DCAF5: variants seen among roughly 807,000 people sequenced by gnomAD.
DCAF5 encodes DDB1 and CUL4 associated factor 5.
A neutral mutation model predicts 80.7 loss-of-function variants in DCAF5; 9 were observed. The observed-to-expected ratio is 0.11, with a 90% CI of 0.07 to 0.19. The LOEUF (loss-of-function observed/expected upper bound fraction) is 0.19, where lower values mean the gene tolerates loss of function less well. Among genes scored for constraint, DCAF5 ranks in the 10% least tolerant of loss-of-function variants. The pLI is 1.00. For synonymous variants in DCAF5, 433 were observed against 461.9 expected (o/e 0.94, Z 0.80); for missense variants, 842 against 1,205.7 (o/e 0.70, Z 4.47).
chr14:69,104,515 G>C (rs114152113), intron 5 of DCAF5, among the ~76,000 whole-genome samples: 135 of 152,036 alleles, frequency 8.9e-4, no homozygotes, highest in Admixed American at 1.6e-3. Context: ...TAAGAAATTC[G>C]TAAGACAAAT....
chr14:69,062,341 T>G, intron 8 of DCAF5, 43 bp downstream of exon 8: 5 of 1,602,230 alleles, frequency 3.1e-6, no homozygotes, highest in Non-Finnish European at 4.3e-6. Context: ...AATTATAAAT[T>G]GTGAGAATTT....
intron 5 of DCAF5, among the ~76,000 whole-genome samples, chr14:69,114,088 T>C (rs1335809979): frequency 1.3e-5 from 2 of 152,192 alleles, no homozygotes; most frequent in Admixed American, 6.5e-5. Context: ...GTTCAAGTGT[T>C]GGTGAAGGTC....
intron 1 of DCAF5, among the ~76,000 whole-genome samples, chr14:69,126,488 C>T (rs1008083978): frequency 6.6e-6 from 1 of 152,130 alleles, no homozygotes; most frequent in Middle Eastern, 3.2e-3. Context: ...ATCAGTTCTT[C>T]CCAACTTCAT....
At chr14:69,070,011 G>T (rs1282416727) in intron 7 of DCAF5, among the ~76,000 whole-genome samples, 1 of 152,160 alleles carries the variant, frequency 6.6e-6, no homozygotes, top group Admixed American at 6.5e-5. Flanking sequence ...GTTGTTGGTG[G>T]TGGTATTATC....
rs975874334 is a variant in DCAF5, at chr14:69,152,662, A to AG, written c.214+102dup. The AG allele has an allele frequency of 1.4e-6, 1 of 698,992 alleles. No individual in the cohort carries two copies. The highest frequency in any genetic ancestry group is 2.2e-6 in the Non-Finnish European group (1 of 459,998). The allele number at this position is 698,992 out of a possible 1,614,324, so 43.3% of individuals were successfully genotyped here. ...ACCGCAGAAGGGGGTAGAGAAAGGGAGGGGGTGGGGACAGAGGGCAGGAGG... is the reference window on the plus strand; with the variant it reads ...ACCGCAGAAGGGGGTAGAGAAAGGGAGGGGGGTGGGGACAGAGGGCAGGAGG... On this transcript the variant is annotated intron_variant, in intron 1 of 8. Transcript: ENST00000341516. The surrounding 1 kb of genome is among the most constrained non-coding windows in gnomAD (Gnocchi z 4.1).
intron 5 of DCAF5, among the ~76,000 whole-genome samples, chr14:69,112,518 G>C (rs1376149521): frequency 2.0e-5 from 3 of 151,540 alleles, no homozygotes; most frequent in Non-Finnish European, 4.4e-5. Flanking sequence ...AGGCAACATA[G>C]TGAGATCCTG....
At chr14:69,140,614 C>T (rs1224068673) in intron 1 of DCAF5, among the ~76,000 whole-genome samples, 1 of 152,044 alleles carries the variant, frequency 6.6e-6, no homozygotes, top group Non-Finnish European at 1.5e-5. Flanking sequence ...CAAAGAACAA[C>T]AACCCATAGG....
In DCAF5 at chr14:69,072,232, T is replaced by C. The variant is rs969004746; in HGVS notation, c.946+3113A>G. On this transcript the variant is annotated intron_variant, in intron 7 of 8. Transcript: ENST00000341516. ...GAAAGTCAACAGAGAATGTCTAATA[T>C]TGAAAATCCAAAAATATTATGAGCA... Among the ~76,000 whole-genome samples the C allele has an allele frequency of 6.6e-5, 10 of 152,288 alleles. No individual in the cohort carries two copies. The East Asian group carries it at 1.7e-3, about 26-fold the overall frequency.
chr14:69,129,274 T>A (rs925635823), intron 1 of DCAF5, among the ~76,000 whole-genome samples: 2 of 152,192 alleles, frequency 1.3e-5, no homozygotes, highest in Admixed American at 6.5e-5. Flanking sequence ...CCCTCAAGGT[T>A]AGCATCAGAA....
At chr14:69,100,030 C>T (rs1266256228) in intron 5 of DCAF5, among the ~76,000 whole-genome samples, 2 of 152,132 alleles carry the variant, frequency 1.3e-5, no homozygotes, top group South Asian at 4.1e-4. Flanking sequence ...GTAGATTCAT[C>T]TACCATGTTT....
At chr14:69,097,731 C>T (rs572972169) in intron 5 of DCAF5, among the ~76,000 whole-genome samples, 2 of 151,866 alleles carry the variant, frequency 1.3e-5, no homozygotes, top group Admixed American at 6.6e-5. Flanking sequence ...GGATTACAGG[C>T]GGGCACCACT....
intron 8 of DCAF5, among the ~76,000 whole-genome samples, chr14:69,057,422 T>C (rs2038020403): frequency 6.6e-6 from 1 of 152,098 alleles, no homozygotes; most frequent in Non-Finnish European, 1.5e-5. Flanking sequence ...TGGTAAAATG[T>C]CATTAACCAT....
At chr14:69,151,476 C>T (rs2041700874) in intron 1 of DCAF5, among the ~76,000 whole-genome samples, 1 of 152,206 alleles carries the variant, frequency 6.6e-6, no homozygotes, top group South Asian at 2.1e-4. Context: ...ATTCAGGGAC[C>T]GACCTGGGTG....
intron 5 of DCAF5, among the ~76,000 whole-genome samples, chr14:69,112,687 T>C (rs981859572): frequency 2.0e-5 from 3 of 151,640 alleles, no homozygotes; most frequent in South Asian, 2.1e-4. Context: ...ATAAGAATAA[T>C]AGAAGCTACC....
Position 69,055,713 on chromosome 14 carries a change from C to T in DCAF5, c.1075-102G>A. 8.2e-7 allele frequency: 1 copy of T among 1,218,400 alleles called. No homozygotes were observed. The highest frequency in any genetic ancestry group is 1.2e-6 in the Non-Finnish European group (1 of 868,710). The allele number at this position is 1,218,400 out of a possible 1,614,324, so 75.5% of individuals were successfully genotyped here. A position where few individuals can be genotyped will look rare whatever the true frequency, so the allele number is the denominator to read the frequency against. On this transcript the variant is annotated intron_variant, in intron 8 of 8. Coordinates refer to ENST00000341516, the MANE Select transcript of DCAF5 (RefSeq NM_003861.3). The surrounding 1 kb of genome is among the most constrained non-coding windows in gnomAD (Gnocchi z 5.6). The stretch of plus-strand genomic sequence containing the variant: ...CAAGGCAGAACTTCCCCAGACTCTC[C>T]CTGTAATTTAACTAGGACTTGCTAA...
chr14:69,086,718 A>G (rs899216138), intron 6 of DCAF5, among the ~76,000 whole-genome samples: 2 of 151,958 alleles, frequency 1.3e-5, no homozygotes, highest in Non-Finnish European at 2.9e-5. Context: ...ATACCCATAT[A>G]GTGTCAACCC....
At chr14:69,124,193 T>C (rs1394239724) in intron 1 of DCAF5, among the ~76,000 whole-genome samples, 1 of 152,230 alleles carries the variant, frequency 6.6e-6, no homozygotes, top group Non-Finnish European at 1.5e-5. Context: ...ATCGTATATA[T>C]ATTTGTATGC....
intron 1 of DCAF5, among the ~76,000 whole-genome samples, chr14:69,123,798 A>G (rs2040797109): frequency 6.6e-6 from 1 of 152,114 alleles, no homozygotes; most frequent in East Asian, 1.9e-4. Context: ...TCCCAGGTTC[A>G]AGCGATTCTC....
chr14:69,101,355 GCTGA>G (rs1480772604), intron 5 of DCAF5, among the ~76,000 whole-genome samples: 7 of 152,134 alleles, frequency 4.6e-5, no homozygotes, highest in African/African-American at 7.2e-5. Flanking sequence ...TTGAATACCT[GCTGA>G]CTATCTTAGG....
Sources: allele counts gnomAD v4.1 joint callset (sites outside exome capture counted in the v4.1 genomes callset), GRCh38; gene constraint gnomAD v4.1.1; non-coding constraint Gnocchi (gnomAD v3.1); transcripts MANE v1.5; gene names NCBI Gene and HGNC (gene_info 2026-07-23, HGNC 2026-07-21).